RABGAP1L: variants seen among roughly 807,000 people sequenced by gnomAD.
RABGAP1L encodes rab GTPase-activating protein 1-like.
A neutral mutation model predicts 137.7 loss-of-function variants in RABGAP1L; 63 were observed. That is an observed-to-expected ratio of 0.46 (90% CI 0.37 to 0.56). RABGAP1L has a LOEUF of 0.56. Ranked by LOEUF, RABGAP1L falls within the 20% of genes least tolerant of loss-of-function variation. RABGAP1L has a pLI of 0.00. For synonymous variants in RABGAP1L, 431 were observed against 433.7 expected (o/e 0.99, Z 0.08); for missense variants, 1,095 against 1,244.0 (o/e 0.88, Z 1.80).
chr1:174,902,923 T>G (rs2149164909), intron 19 of RABGAP1L, among the ~76,000 whole-genome samples: 1 of 152,318 alleles, frequency 6.6e-6, no homozygotes, highest in South Asian at 2.1e-4. Context: ...ACCACAGCTG[T>G]TTCTAATCGG....
intron 1 of RABGAP1L, among the ~76,000 whole-genome samples, chr1:174,214,896 T>C (rs1172224336): frequency 1.3e-5 from 2 of 152,034 alleles, no homozygotes; most frequent in Admixed American, 1.3e-4. Flanking sequence ...TAAGAGAAAT[T>C]ATTGGGAAAC....
chr1:174,502,690 G>GTA (rs1325164987), intron 13 of RABGAP1L, among the ~76,000 whole-genome samples: 1 of 148,988 alleles, frequency 6.7e-6, no homozygotes, highest in African/African-American at 2.5e-5. Context: ...ATATGTGTGT[G>GTA]TATATATACA....
chr1:174,381,238 TGTG>T (rs1253493348), intron 12 of RABGAP1L, among the ~76,000 whole-genome samples: 18 of 146,790 alleles, frequency 1.2e-4, no homozygotes, highest in African/African-American at 4.6e-4. Context: ...ATAGGTGTGG[TGTG>T]GTGCTGAAAA....
intron 16 of RABGAP1L, chr1:174,701,106 AG>A: frequency 7.7e-7 from 1 of 1,304,680 alleles, no homozygotes; most frequent in Non-Finnish European, 1.0e-6. Context: ...TGGTCTATTT[AG>A]GAAAACAAAA....
chr1:174,989,792 T>C, intron 25 of RABGAP1L, 57 bp from the exon 26 acceptor site: 11 of 1,517,608 alleles, frequency 7.2e-6, no homozygotes, highest in Non-Finnish European at 9.8e-6. Context: ...CTTTTATTTA[T>C]TTATTGGCAA....
intron 1 of RABGAP1L, among the ~76,000 whole-genome samples, chr1:174,211,032 C>T (rs1252773198): frequency 1.3e-5 from 2 of 152,122 alleles, no homozygotes; most frequent in African/African-American, 4.8e-5. Context: ...AAGACTTTCT[C>T]AGACAAAAGC....
intron 13 of RABGAP1L, among the ~76,000 whole-genome samples, chr1:174,628,084 A>G (rs990166607): frequency 1.3e-5 from 2 of 152,152 alleles, no homozygotes; most frequent in African/African-American, 2.4e-5. Context: ...ATATTTGTGT[A>G]CATCTTTCTT....
chr1:174,203,710 A>G (rs1668297355), intron 1 of RABGAP1L, among the ~76,000 whole-genome samples: 1 of 152,114 alleles, frequency 6.6e-6, no homozygotes, highest in African/African-American at 2.4e-5. Flanking sequence ...CATTTCAATG[A>G]CATTCTATCC....
At chr1:174,323,777 A>G (rs2148835950) in intron 11 of RABGAP1L, among the ~76,000 whole-genome samples, 1 of 152,318 alleles carries the variant, frequency 6.6e-6, no homozygotes, top group East Asian at 1.9e-4. Context: ...ACTGGAAACC[A>G]AAATATTCTC....
At chr1:174,939,659 T>C (rs1665515612) in intron 19 of RABGAP1L, among the ~76,000 whole-genome samples, 1 of 152,202 alleles carries the variant, frequency 6.6e-6, no homozygotes. Flanking sequence ...ATTTTAGAAA[T>C]TGCCCCACAG....
intron 19 of RABGAP1L, among the ~76,000 whole-genome samples, chr1:174,927,967 T>G (rs114884090): frequency 0.02 from 3,080 of 152,272 alleles, 114 homozygotes; most frequent in African/African-American, 0.071. Flanking sequence ...TTATTCTCCA[T>G]GTACCTGCAA....
At chr1:174,583,880 T>G (rs746510541) in intron 13 of RABGAP1L, among the ~76,000 whole-genome samples, 2 of 152,192 alleles carry the variant, frequency 1.3e-5, no homozygotes, top group African/African-American at 2.4e-5. Flanking sequence ...TTTTGAAAAT[T>G]AGAATTAGCA....
At chr1:174,870,818 A>G (rs1652058806) in intron 19 of RABGAP1L, among the ~76,000 whole-genome samples, 1 of 151,154 alleles carries the variant, frequency 6.6e-6, no homozygotes, top group Non-Finnish European at 1.5e-5. Flanking sequence ...GCTTACTGCA[A>G]GCTCCACCTT....
chr1:174,195,733 T>TCTC (rs1667598383), intron 1 of RABGAP1L, among the ~76,000 whole-genome samples: 2 of 135,274 alleles, frequency 1.5e-5, no homozygotes, highest in Admixed American at 7.3e-5. Flanking sequence ...TTTCTTTCTT[T>TCTC]TCTTTCTTTC....
chr1:174,907,873 G>A (rs904111029), intron 19 of RABGAP1L, among the ~76,000 whole-genome samples: 1 of 152,082 alleles, frequency 6.6e-6, no homozygotes, highest in African/African-American at 2.4e-5. Flanking sequence ...GCCATACAGT[G>A]GCTGAATGGG....
chr1:174,637,544 AC>A (rs1674160854), intron 14 of RABGAP1L, 56 bp downstream of exon 14: 9 of 1,325,636 alleles, frequency 6.8e-6, no homozygotes, highest in Non-Finnish European at 9.7e-6. Flanking sequence ...TATTTTAGAA[AC>A]CCATTTAAGG....
intron 13 of RABGAP1L, among the ~76,000 whole-genome samples, chr1:174,412,091 C>T (rs1360766590): frequency 1.3e-5 from 2 of 151,970 alleles, no homozygotes; most frequent in Non-Finnish European, 2.9e-5. Flanking sequence ...TGAAGTTCCC[C>T]ACTATTACTG....
At chr1:174,159,850 C>G (rs1221609958) in intron 1 of RABGAP1L, 193 bp downstream of exon 1, 6 of 152,286 alleles carry the variant, frequency 3.9e-5, no homozygotes, top group African/African-American at 1.4e-4. Flanking sequence ...CGGCCGCCTC[C>G]CGGACACCGC....
At chr1:174,184,009 G>A (rs1666596716) in intron 1 of RABGAP1L, among the ~76,000 whole-genome samples, 1 of 151,366 alleles carries the variant, frequency 6.6e-6, no homozygotes, top group Non-Finnish European at 1.5e-5. Flanking sequence ...GGGACTACAG[G>A]CACCCACCAC....
Sources: gnomAD v4.1 joint callset for allele counts (sites outside exome capture counted in the v4.1 genomes callset) on GRCh38, gnomAD v4.1.1 for gene constraint, MANE v1.5 for transcripts, NCBI Gene and HGNC (gene_info 2026-07-23, HGNC 2026-07-21) for gene names.